The following TRIP10 variants were observed in gnomAD, a reference collection of about 807,000 sequenced individuals.
TRIP10 encodes cdc42-interacting protein 4.
TRIP10 carries 54 observed loss-of-function variants against 80.9 expected under a neutral mutation model. The observed-to-expected ratio is 0.67, with a 90% confidence interval of 0.54 to 0.84. The LOEUF (loss-of-function observed/expected upper bound fraction) is 0.84. Ranked by LOEUF, TRIP10 falls within the 40% of genes least tolerant of loss-of-function variation. The pLI, the probability that TRIP10 is intolerant of heterozygous loss-of-function variation, is 0.00. For missense variants in TRIP10, 773 were observed against 815.3 expected (o/e 0.95, Z 0.63); for synonymous variants, 321 against 307.2 (o/e 1.04, Z -0.47).
Position 6,743,484 on chromosome 19 carries a change from C to T in TRIP10, c.409-10C>T. 1.2e-6 allele frequency: 2 copies of T among 1,613,322 alleles called. No individual in the cohort carries two copies. The highest frequency in any genetic ancestry group is 2.2e-5 in the South Asian group (2 of 91,044). ...GTGGCTCCCTCACTCCGGTTCTGTC[C>T]CCTACACAGAGTAAGCGTAAATTTG... On this transcript the variant is annotated splice_polypyrimidine_tract_variant and intron_variant, in intron 5 of 14. Coordinates refer to ENST00000313244, the MANE Select transcript of TRIP10 (RefSeq NM_001288962.2).
At chr19:6,747,317 C>T (rs530289797) in intron 11 of TRIP10, among the ~76,000 whole-genome samples, 8 of 151,906 alleles carry the variant, frequency 5.3e-5, no homozygotes, top group Non-Finnish European at 8.8e-5. Context: ...AGAGTGAGAC[C>T]CTGTCTCAAA....
Position 6,750,589 on chromosome 19 carries a change from C to T in TRIP10, c.1613C>T (p.Pro538Leu). ...TEFDEDFEEE[P>L]TSPIGHCVAI... is the part of the protein sequence containing the mutation. ...TTTGATGAGGATTTCGAGGAGGAAC[C>T]CACATCCCCCATAGGTCACTGTGTG... The change falls in exon 14 of 15, where the codon CCC becomes CTC. Residue 538 changes from proline to leucine, a missense_variant. Physicochemically the swap from Pro to Leu is moderately conservative, Grantham distance 98 (BLOSUM62 -3). Coordinates refer to ENST00000313244, the MANE Select transcript of TRIP10 (RefSeq NM_001288962.2). 1.2e-6 allele frequency: 2 copies of T among 1,614,234 alleles called. No homozygotes were observed. The highest frequency in any genetic ancestry group is 1.7e-5 in the Admixed American group (1 of 60,020).
rs1278092916 is a variant in TRIP10 at position 6,744,111 on chromosome 19, T to G, written c.642+275T>G. 6.6e-6 allele frequency among the ~76,000 whole-genome samples: 1 copy of G among 152,182 alleles called. No individual in the cohort carries two copies. Among genetic ancestry groups the G allele is most frequent in the Admixed American group, 6.5e-5 (1 of 15,282 alleles). On this transcript the variant is annotated intron_variant, in intron 7 of 14. Transcript: ENST00000313244. The surrounding 1 kb of genome is among the most constrained non-coding windows in gnomAD (Gnocchi z 4.9). ...GGCATAATCACAGCTCACTGCAGCC[T>G]GGAACCCCTGTGCTCAAGTGACCTT...
Position 6,746,175 on chromosome 19 carries a change from C to T in TRIP10, c.1131C>T (p.Arg377=), listed in dbSNP as rs2145545927. ...KSVKPRLASF[R]SLRGSRGTVV... Reference sequence around the variant, plus strand: ...TCAAACCGAGGCTAGCATCCTTCCGCAGCCTTCGAGGCAGCCGTGGGGTAA... The same window carrying T: ...TCAAACCGAGGCTAGCATCCTTCCGTAGCCTTCGAGGCAGCCGTGGGGTAA... Residue 377 remains arginine, a synonymous_variant, in exon 10 of 15, where the codon CGC becomes CGT. Transcript: ENST00000313244. The surrounding 1 kb of genome is among the most constrained non-coding windows in gnomAD (Gnocchi z 6.2). 1 of 1,542,738 alleles carries T rather than the reference C, an allele frequency of 6.5e-7. No individual in the cohort carries two copies. Among genetic ancestry groups the T allele is most frequent in the Non-Finnish European group, 8.8e-7 (1 of 1,142,570 alleles).
In TRIP10 at chr19:6,749,622, G is replaced by T. The variant is rs369912938; in HGVS notation, c.1263-312G>T. ...CATGCCTGTAATCCCAGCACTTTGGGAGGCTGAGCCAGGAGGATCCCTTGA... is the reference window on the plus strand; with the variant it reads ...CATGCCTGTAATCCCAGCACTTTGGTAGGCTGAGCCAGGAGGATCCCTTGA... On this transcript the variant is annotated intron_variant, in intron 11 of 14. Coordinates refer to ENST00000313244, the MANE Select transcript of TRIP10 (RefSeq NM_001288962.2). 5.3e-4 allele frequency among the ~76,000 whole-genome samples: 80 copies of T among 152,262 alleles called. 4 individuals carry two copies. In the South Asian group the frequency reaches 0.013, roughly 26 times the overall value.
rs759979487 is a variant in TRIP10 at position 6,743,486 on chromosome 19, C to T, written c.409-8C>T. On this transcript the variant is annotated splice_polypyrimidine_tract_variant and splice_region_variant and intron_variant, in intron 5 of 14. Coordinates refer to ENST00000313244, the MANE Select transcript of TRIP10 (RefSeq NM_001288962.2). ...GGCTCCCTCACTCCGGTTCTGTCCC[C>T]TACACAGAGTAAGCGTAAATTTGAG... 9 of 1,613,452 alleles carry T rather than the reference C, an allele frequency of 5.6e-6. No homozygotes were observed. The Admixed American group carries it at 1.3e-4, about 24-fold the overall frequency.
intron 11 of TRIP10, 133 bp from the exon 12 acceptor site, chr19:6,749,801 T>C: frequency 7.7e-7 from 1 of 1,302,230 alleles, no homozygotes. Context: ...CAGTGAGCCA[T>C]GATTGCACCA....
In TRIP10 at chr19:6,741,290, G is replaced by T; in HGVS notation, c.197+9G>T. ...GATGATCCTGAGTCCAAGTAAGGTTGGAGAGGGGCTGCAGGGCTAGATTTG... is the reference window on the plus strand; with the variant it reads ...GATGATCCTGAGTCCAAGTAAGGTTTGAGAGGGGCTGCAGGGCTAGATTTG... On this transcript the variant is annotated intron_variant, in intron 3 of 14. Transcript: ENST00000313244. The T allele has an allele frequency of 6.2e-7, 1 of 1,605,570 alleles. No individual in the cohort carries two copies. The highest frequency in any genetic ancestry group is 8.5e-7 in the Non-Finnish European group (1 of 1,175,866).
chr19:6,740,969 C>G (rs750575115), intron 1 of TRIP10, 41 bp from the exon 2 acceptor site: 1 of 1,576,898 alleles, frequency 6.3e-7, no homozygotes, highest in Non-Finnish European at 8.7e-7. Context: ...AATCGTGACC[C>G]CGGCCCCTCT....
chr19:6,744,842 C>T lies in TRIP10; in HGVS notation c.832C>T (p.Arg278Cys), dbSNP rs200361557. Residue 278 changes from arginine to cysteine, a missense_variant, in exon 9 of 15, where the codon CGC becomes TGC. Transcript: ENST00000313244. The surrounding 1 kb of genome is among the most constrained non-coding windows in gnomAD (Gnocchi z 4.9). The part of the protein sequence containing the change: ...LIELHKSGFA[R>C]PGDVEFEDFS... ...AGAGCTGCACAAGTCAGGTTTTGCC[C>T]GCCCGGGCGACGTGGAATTCGAGGA... is the stretch of plus-strand genomic sequence containing the variant. 77 of 1,614,188 alleles carry T rather than the reference C, an allele frequency of 4.8e-5. No homozygotes were observed. The highest frequency in any genetic ancestry group is 2.0e-4 in the East Asian group (9 of 44,874).
chr19:6,743,948 G>C lies in TRIP10; in HGVS notation c.642+112G>C. 2.9e-6 allele frequency: 4 copies of C among 1,402,584 alleles called. No individual in the cohort carries two copies. The South Asian group carries it at 5.4e-5, about 19-fold the overall frequency. 86.9% of individuals were successfully genotyped at this position (1,402,584 alleles called of 1,614,324 possible). On this transcript the variant is annotated intron_variant, in intron 7 of 14. Coordinates refer to ENST00000313244, the MANE Select transcript of TRIP10 (RefSeq NM_001288962.2). Reference sequence around the variant, plus strand: ...AATGTCCCAGTCCCTAGATTGAAAGGGAATCAGAAACCTATAGTAACAGTG... The same window carrying C: ...AATGTCCCAGTCCCTAGATTGAAAGCGAATCAGAAACCTATAGTAACAGTG...
rs535008563 is a variant in TRIP10 at position 6,740,152 on chromosome 19, G to C, written c.24+367G>C. On this transcript the variant is annotated intron_variant, in intron 1 of 14. Coordinates refer to ENST00000313244, the MANE Select transcript of TRIP10 (RefSeq NM_001288962.2). ...TGCCCGTCGTCCGCCTGTCCGGCTAGGAGGGGGGAGGGGACCCTCTGGTCA... is the reference window on the plus strand; with the variant it reads ...TGCCCGTCGTCCGCCTGTCCGGCTACGAGGGGGGAGGGGACCCTCTGGTCA... Among the ~76,000 whole-genome samples the C allele has an allele frequency of 4.6e-5, 7 of 152,316 alleles. No individual in the cohort carries two copies. The East Asian group carries it at 1.2e-3, about 25-fold the overall frequency.
chr19:6,740,684 A>C, intron 1 of TRIP10: 2 of 256,878 alleles, frequency 7.8e-6, no homozygotes, highest in Non-Finnish European at 7.6e-6. Flanking sequence ...ATTTTCCGGA[A>C]TCCGGGGGGA....
chr19:6,745,114 T>TGGCTGCC lies in TRIP10; in HGVS notation c.984+121_984+127dup. ...GAGTCTCGGGCAGGAATTTTCCTCT[T>TGGCTGCC]GGCTGCCAGCCCGGACTGGAGGGAA... On this transcript the variant is annotated intron_variant, in intron 9 of 14. Transcript: ENST00000313244. This position sits in a 1 kb window ranked among gnomAD's most constrained non-coding sequence, Gnocchi z 7.2. 7.4e-7 allele frequency: 1 copy of TGGCTGCC among 1,346,776 alleles called. No homozygotes were observed. The highest frequency in any genetic ancestry group is 9.8e-7 in the Non-Finnish European group (1 of 1,018,420). The allele number at this position is 1,346,776 out of a possible 1,614,324, so 83.4% of individuals were successfully genotyped here. A position where few individuals can be genotyped will look rare whatever the true frequency, so the allele number is the denominator to read the frequency against.
rs1338169105 is a variant in TRIP10, at chr19:6,743,036, G to A, written c.267G>A (p.Leu89=). ...ATGACTTTGCAGGCCAGCGGGAGCT[G>A]GTGGCTGAGAACCTCAGTGTCCGTG... ...EVNDFAGQRE[L]VAENLSVRVC... is the part of the protein sequence containing the mutation. The change falls in exon 4 of 15, where the codon CTG becomes CTA. Residue 89 remains leucine (L), a synonymous_variant. Transcript: ENST00000313244. 2 of 1,614,160 alleles carry A rather than the reference G, an allele frequency of 1.2e-6. No homozygotes were observed. Among genetic ancestry groups the A allele is most frequent in the Admixed American group, 3.3e-5 (2 of 60,016 alleles).
At position 6,751,343 on chromosome 19, in the gene TRIP10, C is replaced by T. The variant is rs561084601; in HGVS notation, c.*132C>T. On this transcript the variant is annotated 3_prime_UTR_variant, in exon 15 of 15. Coordinates refer to ENST00000313244, the MANE Select transcript of TRIP10 (RefSeq NM_001288962.2). Reference sequence around the variant, plus strand: ...CCTGTGTAACCTGCTGCCCCCTCCACCCCCAACCCAGTCCTACCTGTCACA... The same window carrying T: ...CCTGTGTAACCTGCTGCCCCCTCCATCCCCAACCCAGTCCTACCTGTCACA... The T allele has an allele frequency of 2.0e-6, 3 of 1,498,984 alleles. No homozygotes were observed. Among genetic ancestry groups the T allele is most frequent in the South Asian group, 1.3e-5 (1 of 75,212 alleles). The allele number at this position is 1,498,984 out of a possible 1,614,324, so 92.9% of individuals were successfully genotyped here.
In TRIP10 at chr19:6,745,570, A is replaced by G. The variant is rs1036754117; in HGVS notation, c.985-459A>G. 2 of 984,048 alleles carry G rather than the reference A, an allele frequency of 2.0e-6. No homozygotes were observed. The highest frequency in any genetic ancestry group is 2.4e-6 in the Non-Finnish European group (2 of 829,600). The allele number at this position is 984,048 out of a possible 1,614,324, so 61.0% of individuals were successfully genotyped here. The stretch of plus-strand genomic sequence containing the variant: ...TCGGCTTGTGGTTTTATTTTTGTTT[A>G]TTTATTTTTGTCCTCTGTGGCCTCT... On this transcript the variant is annotated intron_variant, in intron 9 of 14. Transcript: ENST00000313244. The surrounding 1 kb of genome is among the most constrained non-coding windows in gnomAD (Gnocchi z 7.2).
In TRIP10 at chr19:6,746,874, C is replaced by T. The variant is rs1001858272; in HGVS notation, c.1262+313C>T. On this transcript the variant is annotated intron_variant, in intron 11 of 14. Transcript: ENST00000313244. This position sits in a 1 kb window ranked among gnomAD's most constrained non-coding sequence, Gnocchi z 6.2. Reference sequence around the variant, plus strand: ...AGCCAGGCTGTCTTGAACTCCTGGCCTCAGTTGATCTGCCTGCCTCAGCCT... The same window carrying T: ...AGCCAGGCTGTCTTGAACTCCTGGCTTCAGTTGATCTGCCTGCCTCAGCCT... 1.1e-4 allele frequency among the ~76,000 whole-genome samples: 16 copies of T among 152,286 alleles called. No individual in the cohort carries two copies. Among genetic ancestry groups the T allele is most frequent in the African/African-American group, 3.8e-4 (16 of 41,560 alleles).
chr19:6,743,792 G>C lies in TRIP10; in HGVS notation c.598G>C (p.Asp200His). The C allele has an allele frequency of 6.2e-7, 1 of 1,614,078 alleles. No homozygotes were observed. Among genetic ancestry groups the C allele is most frequent in the Non-Finnish European group, 8.5e-7 (1 of 1,180,008 alleles). The stretch of plus-strand genomic sequence containing the variant: ...GGCTCAACTGCAGCGCTTCAACCGA[G>C]ACCAAGCCCACTTCTATTTTTCACA... ...YAAQLQRFNR[D>H]QAHFYFSQMP... Residue 200 changes from aspartate to histidine, a missense_variant, in exon 7 of 15, where the codon GAC (aspartate) becomes CAC (histidine). Asp to His is a moderately conservative substitution (Grantham distance 81). Coordinates refer to ENST00000313244, the MANE Select transcript of TRIP10 (RefSeq NM_001288962.2).
Sources: allele counts gnomAD v4.1 joint callset (sites outside exome capture counted in the v4.1 genomes callset), GRCh38; gene constraint gnomAD v4.1.1; non-coding constraint Gnocchi (gnomAD v3.1); transcripts MANE v1.5; gene names NCBI Gene and HGNC (gene_info 2026-07-23, HGNC 2026-07-21).